The following NALF2 variants were observed in gnomAD, a reference collection of about 807,000 sequenced individuals.
NALF2 encodes bB57D9.1 (TED protein).
In NALF2, 1 loss-of-function variant was observed where a neutral mutation model predicts 24.8. That is an observed-to-expected ratio of 0.04 (90% CI 0.01 to 0.19). NALF2 has a LOEUF of 0.19. Ranked by LOEUF, NALF2 falls within the 10% of genes least tolerant of loss-of-function variation. The probability of loss-of-function intolerance (pLI) is 1.00; values close to 1 mark genes in which losing one functional copy is unlikely to be tolerated. For missense variants in NALF2, 458 were observed against 409.6 expected (o/e 1.12, Z -1.02); for synonymous variants, 254 against 189.8 (o/e 1.34, Z -2.78).
chrX:69,521,345 G>A (rs959930893), intron 1 of NALF2, among the ~76,000 whole-genome samples: 3 of 110,692 alleles, frequency 2.7e-5, no homozygotes, highest in Non-Finnish European at 5.7e-5. Flanking sequence ...ACATGGAGAT[G>A]TTTTCCTGTC....
intron 1 of NALF2, among the ~76,000 whole-genome samples, chrX:69,509,271 A>G (rs1233131660): frequency 9.5e-6 from 1 of 105,811 alleles, no homozygotes; most frequent in Non-Finnish European, 1.9e-5. Flanking sequence ...TCCAACCCCC[A>G]CCCCACTCTC....
At chrX:69,518,517 A>G (rs759931608) in intron 1 of NALF2, among the ~76,000 whole-genome samples, 68 of 110,626 alleles carry the variant, frequency 6.1e-4, no homozygotes, top group Non-Finnish European at 1.2e-3. Flanking sequence ...TCTGATATTT[A>G]CCTCAATATT....
intron 1 of NALF2, among the ~76,000 whole-genome samples, chrX:69,524,374 G>A (rs778377600): frequency 9.0e-6 from 1 of 111,420 alleles, no homozygotes; most frequent in African/African-American, 3.3e-5. Context: ...TTACCATCAT[G>A]AGCCACCGCA....
chrX:69,517,860 T>C (rs1442356809), intron 1 of NALF2, among the ~76,000 whole-genome samples: 4 of 112,974 alleles, frequency 3.5e-5, no homozygotes, highest in Non-Finnish European at 7.5e-5. Flanking sequence ...CCTCTCATCT[T>C]TCTGGCAAGG....
At chrX:69,509,040 GGGCCCCACGAATCATACCTGTCCTC>G (rs1930540643) in intron 1 of NALF2, among the ~76,000 whole-genome samples, 1 of 112,260 alleles carries the variant, frequency 8.9e-6, no homozygotes, top group African/African-American at 3.2e-5. Context: ...AGGCCACACA[GGGCCCCACGAATCATACCTGTCCTC>G]GCTGCTGCCT....
rs759273141 is a variant in NALF2 at position 69,505,856 on chromosome X, C to T, written c.574C>T (p.Arg192Trp). 12 of 1,211,527 alleles carry T rather than the reference C, an allele frequency of 9.9e-6. No homozygotes were observed. The highest frequency in any genetic ancestry group is 1.1e-5 in the Non-Finnish European group (10 of 895,357). Residue 192 changes from arginine (R) to tryptophan (W), a missense_variant, in exon 1 of 3, where the codon CGG (arginine) becomes TGG (tryptophan). Physicochemically the swap from Arg to Trp is moderately radical, Grantham distance 101 (BLOSUM62 -3). Transcript: ENST00000252338. ...AKKNLLKGHF[R>W]NFTLSFCDTY... is the part of the protein sequence containing the mutation. ...AAAAAACTTGCTCAAAGGCCACTTTCGGAACTTCACTCTCTCCTTTTGCGA... is the reference window on the plus strand; with the variant it reads ...AAAAAACTTGCTCAAAGGCCACTTTTGGAACTTCACTCTCTCCTTTTGCGA...
intron 1 of NALF2, among the ~76,000 whole-genome samples, chrX:69,522,707 G>A (rs978328285): frequency 5.4e-5 from 6 of 112,092 alleles, no homozygotes; most frequent in Non-Finnish European, 9.4e-5. Context: ...TGGTTGAGGA[G>A]ACTGATTTTG....
chrX:69,509,022 C>T (rs182143594), intron 1 of NALF2, among the ~76,000 whole-genome samples: 11 of 112,464 alleles, frequency 9.8e-5, no homozygotes, highest in Non-Finnish European at 2.1e-4. Flanking sequence ...AATATCTGCC[C>T]CCGTTTCAGG....
At chrX:69,528,087 G>C (rs1262091312) in intron 1 of NALF2, among the ~76,000 whole-genome samples, 2 of 110,383 alleles carry the variant, frequency 1.8e-5, no homozygotes, top group Non-Finnish European at 3.8e-5. Context: ...GCAGTATCCT[G>C]CAGTGTACAG....
At chrX:69,519,121 G>A (rs1395913818) in intron 1 of NALF2, among the ~76,000 whole-genome samples, 1 of 112,334 alleles carries the variant, frequency 8.9e-6, no homozygotes, top group Non-Finnish European at 1.9e-5. Flanking sequence ...TTTGCATGGA[G>A]TTAATAATTG....
chrX:69,512,801 C>G (rs747499701), intron 1 of NALF2, among the ~76,000 whole-genome samples: 2 of 111,205 alleles, frequency 1.8e-5, no homozygotes, highest in East Asian at 5.7e-4. Flanking sequence ...GAAGAAAATG[C>G]TAATAATCTC....
At chrX:69,509,039 A>G (rs1330449528) in intron 1 of NALF2, among the ~76,000 whole-genome samples, 1 of 112,329 alleles carries the variant, frequency 8.9e-6, no homozygotes, top group Non-Finnish European at 1.9e-5. Flanking sequence ...CAGGCCACAC[A>G]GGGCCCCACG....
chrX:69,506,397 G>C (rs1200834411), intron 1 of NALF2, among the ~76,000 whole-genome samples: 2 of 112,620 alleles, frequency 1.8e-5, no homozygotes, highest in Non-Finnish European at 3.8e-5. Context: ...CTGGCGCCCT[G>C]CTCCCTCATG....
chrX:69,505,122 C>G lies in NALF2; in HGVS notation c.-161C>G. ...CACCAGAGCGCCCCGCGACTCCGGC[C>G]TGAGCGGGGCATCGCGCCGGCCGGC... On this transcript the variant is annotated 5_prime_UTR_variant, in exon 1 of 3. Coordinates refer to ENST00000252338, the MANE Select transcript of NALF2 (RefSeq NM_015686.3). The G allele has an allele frequency of 2.6e-6, 1 of 388,183 alleles. No homozygotes were observed. The highest frequency in any genetic ancestry group is 4.0e-6 in the Non-Finnish European group (1 of 248,627). The allele number at this position is 388,183 out of a possible 1,213,427, so 32.0% of individuals were successfully genotyped here. A position where few individuals can be genotyped will look rare whatever the true frequency, so the allele number is the denominator to read the frequency against.
intron 1 of NALF2, among the ~76,000 whole-genome samples, chrX:69,522,933 C>T (rs762943355): frequency 3.6e-5 from 4 of 112,546 alleles, no homozygotes; most frequent in African/African-American, 1.3e-4. Context: ...CTAAGCCAAC[C>T]CTCTTCTTTG....
intron 1 of NALF2, among the ~76,000 whole-genome samples, chrX:69,510,732 A>T (rs1415535645): frequency 8.9e-6 from 1 of 111,850 alleles, no homozygotes; most frequent in Non-Finnish European, 1.9e-5. Flanking sequence ...TCTCTTCACC[A>T]AGGAATGTGA....
chrX:69,523,222 G>T (rs1930757023), intron 1 of NALF2, among the ~76,000 whole-genome samples: 1 of 112,847 alleles, frequency 8.9e-6, no homozygotes, highest in Non-Finnish European at 1.9e-5. Context: ...TGGTTGGCAA[G>T]AACTAAAGCT....
At chrX:69,527,229 G>T (rs1436335463) in intron 1 of NALF2, among the ~76,000 whole-genome samples, 1 of 110,814 alleles carries the variant, frequency 9.0e-6, no homozygotes, top group Non-Finnish European at 1.9e-5. Flanking sequence ...GTGGATTGGG[G>T]ATTAAAAAAA....
chrX:69,529,874 CCTT>C lies in NALF2; in HGVS notation c.1340_1342del (p.Phe447del), dbSNP rs1316566706. The stretch of plus-strand genomic sequence containing the variant: ...CTCATGCTCCTCCATACCGTGGTGT[CCTT>C]CTCCAGCAACCAGGGTGGTGGGGGA... On this transcript the variant is annotated inframe_deletion, in exon 3 of 3. Transcript: ENST00000252338. 8.3e-7 allele frequency: 1 copy of C among 1,209,707 alleles called. No individual in the cohort carries two copies.
Sources: allele counts gnomAD v4.1 joint callset (sites outside exome capture counted in the v4.1 genomes callset), GRCh38; gene constraint gnomAD v4.1.1; transcripts MANE v1.5; gene names NCBI Gene and HGNC (gene_info 2026-07-23, HGNC 2026-07-21).